The following WDR35 variants were observed in gnomAD, a reference collection of about 807,000 sequenced individuals.
WDR35 encodes the protein WD repeat-containing protein 35.
In WDR35, 118 loss-of-function variants were observed where a neutral mutation model predicts 158.3. The ratio of observed to expected loss-of-function variants is 0.75; its 90% CI spans 0.64 to 0.87. The LOEUF (loss-of-function observed/expected upper bound fraction) is 0.87. Ranked by LOEUF, WDR35 falls within the 40% of genes least tolerant of loss-of-function variation. The pLI, the probability that WDR35 is intolerant of heterozygous loss-of-function variation, is 0.00. For missense variants in WDR35, 1,263 were observed against 1,405.8 expected (o/e 0.90, Z 1.62); for synonymous variants, 448 against 476.1 (o/e 0.94, Z 0.77).
At chr2:19,985,102 G>C (rs1340487825) in intron 2 of WDR35, among the ~76,000 whole-genome samples, 1 of 152,204 alleles carries the variant, frequency 6.6e-6, no homozygotes, top group East Asian at 1.9e-4. Context: ...ACTGCCTGCA[G>C]GTACCGGAGG....
chr2:19,968,218 C>G (rs2103446919), intron 9 of WDR35, among the ~76,000 whole-genome samples: 1 of 152,274 alleles, frequency 6.6e-6, no homozygotes, highest in South Asian at 2.1e-4. Flanking sequence ...ACATGACATT[C>G]CTAATGATGT....
Position 19,984,002 on chromosome 2 carries a change from CATATAT to C in WDR35, c.143-1474_143-1469del, listed in dbSNP as rs753374553. 5.6e-3 allele frequency among the ~76,000 whole-genome samples: 500 copies of C among 89,904 alleles called. 4 individuals are homozygous for C. Among genetic ancestry groups the C allele is most frequent in the African/African-American group, 0.021 (434 of 21,118 alleles). The allele number at this position is 89,904 out of a possible 152,430, so 59.0% of individuals were successfully genotyped here. A position where few individuals can be genotyped will look rare whatever the true frequency, so the allele number is the denominator to read the frequency against. ...TAGCACTGAAAAATCCATTCTAATG[CATATAT>C]ATATATATATATATATATATATATA... On this transcript the variant is annotated intron_variant, in intron 2 of 26. Transcript: ENST00000281405.
Position 19,934,136 on chromosome 2 carries a change from C to T in WDR35, c.2548-625G>A, listed in dbSNP as rs1350674781. On this transcript the variant is annotated intron_variant, in intron 21 of 26. Transcript: ENST00000281405. The surrounding 1 kb of genome is among the most constrained non-coding windows in gnomAD (Gnocchi z 4.6). Reference sequence around the variant, plus strand: ...TTTCAGAACATCATTTTTTTTCTTTCAGAATATCTAATTAGCCAGAGGTTT... The same window carrying T: ...TTTCAGAACATCATTTTTTTTCTTTTAGAATATCTAATTAGCCAGAGGTTT... Among the ~76,000 whole-genome samples the T allele has an allele frequency of 7.0e-6, 1 of 142,106 alleles. No individual in the cohort carries two copies. Among genetic ancestry groups the T allele is most frequent in the African/African-American group, 2.6e-5 (1 of 38,212 alleles). 93.2% of individuals were successfully genotyped at this position (142,106 alleles called of 152,430 possible). A position where few individuals can be genotyped will look rare whatever the true frequency, so the allele number is the denominator to read the frequency against.
chr2:19,957,428 A>G (rs1420945745), intron 11 of WDR35, among the ~76,000 whole-genome samples: 1 of 152,222 alleles, frequency 6.6e-6, no homozygotes, highest in Non-Finnish European at 1.5e-5. Context: ...TAGGAAAAGC[A>G]AAACAAAATC....
intron 11 of WDR35, among the ~76,000 whole-genome samples, chr2:19,957,896 G>A (rs1671499926): frequency 6.6e-6 from 1 of 152,136 alleles, no homozygotes; most frequent in South Asian, 2.1e-4. Flanking sequence ...TTCATTAACT[G>A]AACTTTGTAA....
At chr2:19,922,064 A>G (rs1244460223) in intron 25 of WDR35, among the ~76,000 whole-genome samples, 1 of 152,216 alleles carries the variant, frequency 6.6e-6, no homozygotes, top group Non-Finnish European at 1.5e-5. Flanking sequence ...AAAAGTCAGG[A>G]AACAACAGAT....
At chr2:19,924,844 T>C (rs113183600) in intron 25 of WDR35, among the ~76,000 whole-genome samples, 12,930 of 152,066 alleles carry the variant, frequency 0.085, 651 homozygotes, top group East Asian at 0.23. Flanking sequence ...AAAAAGAATG[T>C]AGAAAAAATC....
intron 19 of WDR35, 147 bp downstream of exon 19, chr2:19,937,596 T>C (rs779947948): frequency 3.3e-5 from 35 of 1,048,648 alleles, no homozygotes; most frequent in Non-Finnish European, 4.6e-5. Context: ...GAGAGGCATG[T>C]AGAATATCTA....
At chr2:19,915,390 T>C (rs1489021869) in intron 25 of WDR35, among the ~76,000 whole-genome samples, 1 of 150,152 alleles carries the variant, frequency 6.7e-6, no homozygotes, top group African/African-American at 2.5e-5. Context: ...GGTTCAAGGG[T>C]AATAATTTAC....
At chr2:19,928,486 T>A (rs1383732537) in intron 25 of WDR35, among the ~76,000 whole-genome samples, 1 of 152,076 alleles carries the variant, frequency 6.6e-6, no homozygotes, top group Non-Finnish European at 1.5e-5. Context: ...TTGGTTAGGG[T>A]CTCCCTGACT....
At chr2:19,965,571 T>A (rs760019490) in intron 10 of WDR35, among the ~76,000 whole-genome samples, 69 of 152,306 alleles carry the variant, frequency 4.5e-4, no homozygotes, top group Middle Eastern at 3.4e-3. Flanking sequence ...GGGAACCAAA[T>A]AGGAAAAGAA....
intron 8 of WDR35, among the ~76,000 whole-genome samples, chr2:19,970,764 C>T (rs898322487): frequency 2.0e-5 from 3 of 152,118 alleles, no homozygotes; most frequent in African/African-American, 4.8e-5. Flanking sequence ...TGCCTGAAAT[C>T]CCCCTCTTCT....
At chr2:19,968,610 T>A (rs533039490) in intron 9 of WDR35, among the ~76,000 whole-genome samples, 1 of 152,344 alleles carries the variant, frequency 6.6e-6, no homozygotes, top group South Asian at 2.1e-4. Flanking sequence ...CCTTTTGTTG[T>A]CTGAGCACTT....
At chr2:19,956,105 G>T (rs1558343895) in intron 11 of WDR35, among the ~76,000 whole-genome samples, 1 of 152,048 alleles carries the variant, frequency 6.6e-6, no homozygotes, top group Non-Finnish European at 1.5e-5. Flanking sequence ...CCCTGACCTG[G>T]TCTTCACTAA....
intron 3 of WDR35, 90 bp downstream of exon 3, chr2:19,982,373 T>G: frequency 8.2e-7 from 1 of 1,215,144 alleles, no homozygotes; most frequent in South Asian, 1.3e-5. Context: ...TTACCATTAT[T>G]TAAAATGTTG....
intron 9 of WDR35, among the ~76,000 whole-genome samples, 156 bp from the exon 10 acceptor site, chr2:19,967,065 A>G (rs1278051560): frequency 6.6e-6 from 1 of 152,226 alleles, no homozygotes; most frequent in Non-Finnish European, 1.5e-5. Context: ...TAGAAGACAG[A>G]TTCAACCTTT....
intron 8 of WDR35, 36 bp from the exon 9 acceptor site, chr2:19,969,641 C>A (rs201544410): frequency 4.1e-5 from 65 of 1,602,236 alleles, no homozygotes; most frequent in Non-Finnish European, 5.2e-5. Flanking sequence ...TAAAGTATAA[C>A]AATTAACTGA....
rs1323866584 is a variant in WDR35 at position 19,953,957 on chromosome 2, G to A, written c.1277C>T (p.Thr426Ile). 2 of 1,613,924 alleles carry A rather than the reference G, an allele frequency of 1.2e-6. No individual in the cohort carries two copies. The highest frequency in any genetic ancestry group is 2.7e-5 in the African/African-American group (2 of 74,900). Residue 426 changes from threonine to isoleucine, a missense_variant, in exon 12 of 27, where the codon ACC (threonine) becomes ATC (isoleucine). Transcript: ENST00000281405. Reference sequence around the variant, plus strand: ...CGAGGCTGCTATCACATGGGTTTTGGTCATTGCAACAAACAATGGTACTGT... The same window carrying A: ...CGAGGCTGCTATCACATGGGTTTTGATCATTGCAACAAACAATGGTACTGT... ...IDIVPLFVAM[T>I]KTHVIAASKE...
chr2:19,952,161 C>G (rs980054241), intron 12 of WDR35, among the ~76,000 whole-genome samples: 2 of 152,278 alleles, frequency 1.3e-5, no homozygotes, highest in Admixed American at 6.5e-5. Flanking sequence ...TCCCTTACCC[C>G]CTACTACCCT....
Sources: gnomAD v4.1 joint callset for allele counts (sites outside exome capture counted in the v4.1 genomes callset) on GRCh38, gnomAD v4.1.1 for gene constraint, Gnocchi (gnomAD v3.1) non-coding constraint, MANE v1.5 for transcripts, NCBI Gene and HGNC (gene_info 2026-07-23, HGNC 2026-07-21) for gene names.